Variants in BNC2 observed in about 807,000 individuals in gnomAD.
BNC2 encodes the protein basonuclin zinc finger protein 2.
Under a neutral mutation model 76.3 loss-of-function variants are expected in BNC2, and 20 were observed. The ratio of observed to expected loss-of-function variants is 0.26; its 90% CI spans 0.18 to 0.38. The LOEUF is 0.38. BNC2 is among the 10% of genes least tolerant of loss of function. The probability of loss-of-function intolerance (pLI) is 1.00; values close to 1 mark genes in which losing one functional copy is unlikely to be tolerated. For synonymous variants in BNC2, 582 were observed against 514.8 expected (o/e 1.13, Z -1.77); for missense variants, 1,382 against 1,399.8 (o/e 0.99, Z 0.20).
At chr9:16,660,425 G>C (rs1822077271) in intron 3 of BNC2, among the ~76,000 whole-genome samples, 1 of 148,648 alleles carries the variant, frequency 6.7e-6, no homozygotes. Flanking sequence ...CTGCACTCCA[G>C]ACTGGGCCAT....
chr9:16,588,553 A>G (rs1819835649), intron 3 of BNC2, among the ~76,000 whole-genome samples: 1 of 152,214 alleles, frequency 6.6e-6, no homozygotes, highest in Non-Finnish European at 1.5e-5. Flanking sequence ...CCTGTAGAAA[A>G]CTAAAGAAAA....
Position 16,651,080 on chromosome 9 carries a change from G to A in BNC2, c.331-67995C>T, listed in dbSNP as rs544325674. On this transcript the variant is annotated intron_variant, in intron 3 of 6. Transcript: ENST00000380672. ...TCCTATTCCACAGGGATATTTTAAG[G>A]ATTAATGAAAAAATAAAGGTAAAGT... Among the ~76,000 whole-genome samples, 21 of 152,088 alleles carry A rather than the reference G, an allele frequency of 1.4e-4. No homozygotes were observed. The South Asian group carries it at 4.2e-3, about 30-fold the overall frequency.
At chr9:16,774,472 T>C (rs1328936308) in intron 1 of BNC2, among the ~76,000 whole-genome samples, 4 of 152,238 alleles carry the variant, frequency 2.6e-5, no homozygotes, top group African/African-American at 9.6e-5. Context: ...AGGCCTGACA[T>C]ACAGACCATA....
chr9:16,822,639 AGTT>A (rs1368860579), intron 1 of BNC2, among the ~76,000 whole-genome samples: 1 of 152,194 alleles, frequency 6.6e-6, no homozygotes, highest in Non-Finnish European at 1.5e-5. Flanking sequence ...AAAACACCAA[AGTT>A]GTTGTCATTT....
chr9:16,602,661 C>T (rs1476888275), intron 3 of BNC2, among the ~76,000 whole-genome samples: 2 of 152,170 alleles, frequency 1.3e-5, no homozygotes, highest in Non-Finnish European at 1.5e-5. Flanking sequence ...GTTTTGGAGA[C>T]ATGGACCTTT....
intron 1 of BNC2, among the ~76,000 whole-genome samples, chr9:16,760,424 C>T (rs1324880415): frequency 6.6e-6 from 1 of 152,082 alleles, no homozygotes; most frequent in Non-Finnish European, 1.5e-5. Context: ...TTCAACCCTG[C>T]CAGACAAAAT....
At chr9:16,584,670 G>C (rs1819721854) in intron 3 of BNC2, among the ~76,000 whole-genome samples, 1 of 152,128 alleles carries the variant, frequency 6.6e-6, no homozygotes, top group African/African-American at 2.4e-5. Flanking sequence ...TTAATTTGTA[G>C]ACTATAAGGA....
At chr9:16,569,387 T>C (rs1245488627) in intron 4 of BNC2, among the ~76,000 whole-genome samples, 1 of 152,114 alleles carries the variant, frequency 6.6e-6, no homozygotes, top group Admixed American at 6.5e-5. Flanking sequence ...TCAGTTGACA[T>C]GTAGCTTTCA....
At chr9:16,578,064 A>G (rs1265972151) in intron 4 of BNC2, among the ~76,000 whole-genome samples, 2 of 152,134 alleles carry the variant, frequency 1.3e-5, no homozygotes, top group South Asian at 2.1e-4. Flanking sequence ...TTTTTCCAAA[A>G]AAGAGATGGT....
intron 3 of BNC2, among the ~76,000 whole-genome samples, chr9:16,629,142 C>T (rs1241977028): frequency 6.6e-6 from 1 of 152,066 alleles, no homozygotes; most frequent in East Asian, 1.9e-4. Context: ...AAGGACTAAT[C>T]GGGAAGGTTT....
chr9:16,521,684 C>A (rs1037612838), intron 5 of BNC2, among the ~76,000 whole-genome samples: 1 of 152,048 alleles, frequency 6.6e-6, no homozygotes, highest in Admixed American at 6.6e-5. Context: ...TTCTTTGTAA[C>A]GTGAGATTCC....
intron 5 of BNC2, among the ~76,000 whole-genome samples, chr9:16,468,427 C>T (rs908585212): frequency 4.6e-5 from 7 of 151,684 alleles, no homozygotes; most frequent in African/African-American, 7.3e-5. Flanking sequence ...GATGGAGTCT[C>T]GCTCTGTCAC....
intron 1 of BNC2, among the ~76,000 whole-genome samples, chr9:16,795,325 C>T (rs1817616645): frequency 6.6e-6 from 1 of 151,606 alleles, no homozygotes; most frequent in Non-Finnish European, 1.5e-5. Context: ...AATCTGCACG[C>T]CTCTACACAC....
intron 3 of BNC2, among the ~76,000 whole-genome samples, chr9:16,691,344 C>A (rs971543124): frequency 3.3e-5 from 5 of 152,100 alleles, no homozygotes; most frequent in Non-Finnish European, 7.4e-5. Flanking sequence ...GAAATTAAGA[C>A]AAAGTTCTCT....
At chr9:16,465,405 T>C (rs1018188768) in intron 5 of BNC2, among the ~76,000 whole-genome samples, 5 of 125,378 alleles carry the variant, frequency 4.0e-5, no homozygotes, top group African/African-American at 1.6e-4. Context: ...AACTACACTG[T>C]AGCCTGGGCG....
At chr9:16,650,511 C>T (rs1463843212) in intron 3 of BNC2, among the ~76,000 whole-genome samples, 1 of 152,066 alleles carries the variant, frequency 6.6e-6, no homozygotes, top group Non-Finnish European at 1.5e-5. Context: ...CACCAAACTG[C>T]CTGGCTGTTT....
chr9:16,480,619 G>C (rs1313796890), intron 5 of BNC2, among the ~76,000 whole-genome samples: 1 of 152,214 alleles, frequency 6.6e-6, no homozygotes, highest in Non-Finnish European at 1.5e-5. Flanking sequence ...GGCCGGCCCT[G>C]CTGGACCGGG....
intron 3 of BNC2, among the ~76,000 whole-genome samples, chr9:16,683,766 C>T (rs992036385): frequency 2.0e-5 from 3 of 152,158 alleles, no homozygotes; most frequent in African/African-American, 7.2e-5. Context: ...AGAAGAAGCA[C>T]ATTTAGGAAG....
chr9:16,652,977 G>A lies in BNC2; in HGVS notation c.331-69892C>T, dbSNP rs142180309. Among the ~76,000 whole-genome samples, 270 of 152,166 alleles carry A rather than the reference G, an allele frequency of 1.8e-3. 1 individual carries two copies. The highest frequency in any genetic ancestry group is 6.1e-3 in the African/African-American group (252 of 41,522). ...TGGGCCCTACTCCCTAATGGTTTACGGGATCAAGTTTTGAACTCTTGATTT... is the reference window on the plus strand; with the variant it reads ...TGGGCCCTACTCCCTAATGGTTTACAGGATCAAGTTTTGAACTCTTGATTT... On this transcript the variant is annotated intron_variant, in intron 3 of 6. Coordinates refer to ENST00000380672, the MANE Select transcript of BNC2 (RefSeq NM_017637.6).
Sources: gnomAD v4.1 joint callset for allele counts (sites outside exome capture counted in the v4.1 genomes callset) on GRCh38, gnomAD v4.1.1 for gene constraint, MANE v1.5 for transcripts, NCBI Gene and HGNC (gene_info 2026-07-23, HGNC 2026-07-21) for gene names.